The following PLCB1 variants were observed in gnomAD, a reference collection of about 807,000 sequenced individuals.
The protein encoded by PLCB1 is phospholipase C beta 1.
A neutral mutation model predicts 161.8 loss-of-function variants in PLCB1; 46 were observed. That is an observed-to-expected ratio of 0.28 (90% confidence interval 0.22 to 0.36). PLCB1 has a LOEUF of 0.36. PLCB1 is among the 10% of genes least tolerant of loss of function. The probability of loss-of-function intolerance (pLI) is 1.00; values close to 1 mark genes in which losing one functional copy is unlikely to be tolerated. For synonymous variants in PLCB1, 517 were observed against 503.7 expected (o/e 1.03, Z -0.35); for missense variants, 1,016 against 1,472.5 (o/e 0.69, Z 5.07).
chr20:8,528,135 G>T (rs1984656442), intron 3 of PLCB1, among the ~76,000 whole-genome samples: 1 of 152,014 alleles, frequency 6.6e-6, no homozygotes, highest in Non-Finnish European at 1.5e-5. Flanking sequence ...GGGCTCTTTG[G>T]CAGTGTCTTA....
chr20:8,604,739 G>C (rs1308820229), intron 3 of PLCB1, among the ~76,000 whole-genome samples: 7 of 152,094 alleles, frequency 4.6e-5, no homozygotes, highest in African/African-American at 1.7e-4. Flanking sequence ...CTCATGTTGG[G>C]CAATTCAAGA....
intron 14 of PLCB1, among the ~76,000 whole-genome samples, chr20:8,720,821 T>C (rs6056038): frequency 0.91 from 138,091 of 151,214 alleles, 63,096 homozygotes; most frequent in East Asian, 1. Context: ...TTTTTAATTA[T>C]TTAATTAAAA....
At chr20:8,376,690 T>C (rs555288886) in intron 3 of PLCB1, among the ~76,000 whole-genome samples, 2 of 151,848 alleles carry the variant, frequency 1.3e-5, no homozygotes, top group Non-Finnish European at 2.9e-5. Flanking sequence ...GCACTTTGGG[T>C]GGCTGAGGCG....
At chr20:8,367,187 C>G (rs1194183946) in intron 2 of PLCB1, among the ~76,000 whole-genome samples, 1 of 152,018 alleles carries the variant, frequency 6.6e-6, no homozygotes, top group South Asian at 2.1e-4. Flanking sequence ...TTGAAAGTTC[C>G]CAATATAAAG....
intron 3 of PLCB1, among the ~76,000 whole-genome samples, chr20:8,416,260 T>C (rs1055710150): frequency 6.6e-6 from 1 of 152,210 alleles, no homozygotes; most frequent in African/African-American, 2.4e-5. Flanking sequence ...TGTATGCATT[T>C]ATTTATGATT....
chr20:8,197,190 G>A (rs2123118598), intron 2 of PLCB1, among the ~76,000 whole-genome samples: 1 of 152,246 alleles, frequency 6.6e-6, no homozygotes, highest in South Asian at 2.1e-4. Flanking sequence ...ACCCAGTAAT[G>A]GGATGGCTGG....
At chr20:8,847,784 A>G (rs1986738988) in intron 31 of PLCB1, among the ~76,000 whole-genome samples, 1 of 152,180 alleles carries the variant, frequency 6.6e-6, no homozygotes, top group Non-Finnish European at 1.5e-5. Context: ...TTACATTTAG[A>G]TTTACAGTTT....
chr20:8,327,349 G>C (rs1034703272), intron 2 of PLCB1, among the ~76,000 whole-genome samples: 3 of 152,176 alleles, frequency 2.0e-5, no homozygotes, highest in South Asian at 2.1e-4. Context: ...TTCCAGTTGT[G>C]GGGAGGGAGA....
chr20:8,261,344 G>A (rs573704333), intron 2 of PLCB1, among the ~76,000 whole-genome samples: 1 of 152,068 alleles, frequency 6.6e-6, no homozygotes, highest in African/African-American at 2.4e-5. Context: ...TAACAATCAG[G>A]TAAGAACCCC....
chr20:8,149,009 C>G (rs564025160), intron 1 of PLCB1, among the ~76,000 whole-genome samples: 44 of 152,110 alleles, frequency 2.9e-4, no homozygotes, highest in African/African-American at 1.0e-3. Context: ...CTGATGGCAG[C>G]ACAGCAAGGT....
At chr20:8,716,429 C>A (rs965361540) in intron 13 of PLCB1, 81 bp downstream of exon 13, 167 of 993,134 alleles carry the variant, frequency 1.7e-4, no homozygotes, top group Non-Finnish European at 2.0e-4. Context: ...ACTTCCTTTT[C>A]ATATTTATGT....
At chr20:8,741,871 G>C (rs1657056322) in intron 23 of PLCB1, among the ~76,000 whole-genome samples, 1 of 152,164 alleles carries the variant, frequency 6.6e-6, no homozygotes, top group South Asian at 2.1e-4. Context: ...CTAATTAAAG[G>C]TGATGAACGC....
chr20:8,755,407 T>C (rs2123558847), intron 23 of PLCB1, among the ~76,000 whole-genome samples: 1 of 152,328 alleles, frequency 6.6e-6, no homozygotes, highest in East Asian at 1.9e-4. Flanking sequence ...TAAAATGTGC[T>C]ACAAAGTAGA....
intron 3 of PLCB1, among the ~76,000 whole-genome samples, chr20:8,429,842 A>G (rs1370302533): frequency 6.6e-6 from 1 of 152,048 alleles, no homozygotes; most frequent in African/African-American, 2.4e-5. Context: ...CTGTTTATTA[A>G]TAAACCCTCA....
intron 11 of PLCB1, among the ~76,000 whole-genome samples, chr20:8,698,864 G>GAGGTGCATT (rs1241187419): frequency 6.6e-6 from 1 of 152,162 alleles, no homozygotes; most frequent in East Asian, 1.9e-4. Context: ...AGTGAGAAAT[G>GAGGTGCATT]AGGTGCATTT....
intron 3 of PLCB1, among the ~76,000 whole-genome samples, chr20:8,588,500 C>A (rs978323273): frequency 6.6e-6 from 1 of 152,030 alleles, no homozygotes; most frequent in Non-Finnish European, 1.5e-5. Context: ...TTAAAGAGGT[C>A]ATTAATGTTA....
chr20:8,449,359 C>G (rs1452925225), intron 3 of PLCB1, among the ~76,000 whole-genome samples: 2 of 152,158 alleles, frequency 1.3e-5, no homozygotes, highest in Non-Finnish European at 2.9e-5. Context: ...TTCATCACAC[C>G]ACATTTCTTT....
chr20:8,407,962 G>A (rs1244807164), intron 3 of PLCB1, among the ~76,000 whole-genome samples: 2 of 152,164 alleles, frequency 1.3e-5, no homozygotes, highest in African/African-American at 2.4e-5. Context: ...GAGAAAACTC[G>A]TGGTATAGGG....
chr20:8,320,323 G>C (rs1163458385), intron 2 of PLCB1, among the ~76,000 whole-genome samples: 1 of 152,146 alleles, frequency 6.6e-6, no homozygotes, highest in East Asian at 1.9e-4. Flanking sequence ...TTTGTTACAT[G>C]CCAGACTCAG....
Sources: allele counts gnomAD v4.1 joint callset (sites outside exome capture counted in the v4.1 genomes callset), GRCh38; gene constraint gnomAD v4.1.1; transcripts MANE v1.5; gene names NCBI Gene and HGNC (gene_info 2026-07-23, HGNC 2026-07-21).